Variants in LINGO2 observed in about 807,000 individuals in gnomAD.
LINGO2 encodes the protein leucine rich repeat and Ig domain containing 2, also known as leucine-rich repeat and immunoglobulin-like domain-containing nogo receptor-interacting protein 2.
Under a neutral mutation model 30.6 loss-of-function variants are expected in LINGO2, and 14 were observed. The ratio of observed to expected loss-of-function variants is 0.46; its 90% CI spans 0.30 to 0.72. The LOEUF (loss-of-function observed/expected upper bound fraction) is 0.72. LINGO2 is among the 30% of genes least tolerant of loss of function. The probability of loss-of-function intolerance (pLI) is 0.07; values close to 1 mark genes in which losing one functional copy is unlikely to be tolerated. For missense variants in LINGO2, 729 were observed against 751.7 expected (o/e 0.97, Z 0.35); for synonymous variants, 317 against 288.5 (o/e 1.10, Z -1.00).
chr9:28,025,963 C>A (rs1823355702), intron 4 of LINGO2, among the ~76,000 whole-genome samples: 1 of 152,326 alleles, frequency 6.6e-6, no homozygotes, highest in East Asian at 1.9e-4. Flanking sequence ...TTCCATTTCA[C>A]AGAGGATGAA....
chr9:28,151,161 A>G (rs1827989276), intron 4 of LINGO2, among the ~76,000 whole-genome samples: 1 of 152,206 alleles, frequency 6.6e-6, no homozygotes. Context: ...CCAACAGTAC[A>G]TTGCAATAAT....
chr9:28,756,702 C>T, the LINGO2 span, among the ~76,000 whole-genome samples: 1 of 151,866 alleles, frequency 6.6e-6, no homozygotes, highest in African/African-American at 2.4e-5. Flanking sequence ...AGTGAGTTCT[C>T]ATGGTTCTGA....
intron 4 of LINGO2, among the ~76,000 whole-genome samples, chr9:28,242,739 T>C (rs904840975): frequency 1.3e-5 from 2 of 152,132 alleles, no homozygotes; most frequent in East Asian, 3.8e-4. Context: ...CCAGGTCACC[T>C]ACAAAGGGAA....
chr9:28,956,609 T>G, the LINGO2 span, among the ~76,000 whole-genome samples: 1 of 78,264 alleles, frequency 1.3e-5, no homozygotes, highest in Non-Finnish European at 2.5e-5. Context: ...CTCCCTTCTT[T>G]CCCTCCCACC....
chr9:28,850,879 A>G, the LINGO2 span, among the ~76,000 whole-genome samples: 1 of 152,042 alleles, frequency 6.6e-6, no homozygotes, highest in African/African-American at 2.4e-5. Context: ...GCCCACTTTG[A>G]ACATGTAGCA....
At chr9:28,049,330 CAT>C (rs1554666074) in intron 4 of LINGO2, among the ~76,000 whole-genome samples, 4 of 150,982 alleles carry the variant, frequency 2.6e-5, no homozygotes, top group Non-Finnish European at 4.4e-5. Context: ...TAAGTTACAA[CAT>C]AGTACGTACA....
the LINGO2 span, among the ~76,000 whole-genome samples, chr9:28,697,792 C>A: frequency 6.6e-6 from 1 of 151,956 alleles, no homozygotes; most frequent in African/African-American, 2.4e-5. Context: ...GCTCAAAAAA[C>A]CCCAGGGCGC....
chr9:28,232,946 T>C (rs1821410895), intron 4 of LINGO2, among the ~76,000 whole-genome samples: 1 of 149,756 alleles, frequency 6.7e-6, no homozygotes, highest in Admixed American at 6.7e-5. Flanking sequence ...TCATCCAACC[T>C]GGGGATGCGT....
chr9:29,052,225 T>A, the LINGO2 span, among the ~76,000 whole-genome samples: 1 of 152,154 alleles, frequency 6.6e-6, no homozygotes, highest in Non-Finnish European at 1.5e-5. Context: ...AACCTACTAT[T>A]TATTCTTTTC....
chr9:28,601,958 G>A (rs747767211), intron 1 of LINGO2, among the ~76,000 whole-genome samples: 2 of 152,036 alleles, frequency 1.3e-5, no homozygotes, highest in Non-Finnish European at 2.9e-5. Context: ...TCAGGCTGAA[G>A]AACTTCAAAG....
At chr9:28,598,418 CA>C (rs766825127) in intron 1 of LINGO2, among the ~76,000 whole-genome samples, 14,940 of 108,844 alleles carry the variant, frequency 0.14, 998 homozygotes, top group Middle Eastern at 0.22. Flanking sequence ...TTCTCCATAT[CA>C]AAAAAAAAAA....
the LINGO2 span, among the ~76,000 whole-genome samples, chr9:29,005,046 C>G: frequency 6.5e-3 from 983 of 151,922 alleles, 12 homozygotes; most frequent in African/African-American, 0.023. Flanking sequence ...TATTTGCACA[C>G]CTATGGTAAG....
At chr9:28,778,120 T>G in the LINGO2 span, among the ~76,000 whole-genome samples, 3 of 152,294 alleles carry the variant, frequency 2.0e-5, no homozygotes, top group African/African-American at 7.2e-5. Flanking sequence ...TGACTATAAC[T>G]CCACACTTTT....
At chr9:28,755,276 C>T in the LINGO2 span, among the ~76,000 whole-genome samples, 3 of 152,044 alleles carry the variant, frequency 2.0e-5, no homozygotes, top group African/African-American at 7.3e-5. Context: ...AATGGAATTA[C>T]ACAAGCAACA....
intron 4 of LINGO2, among the ~76,000 whole-genome samples, chr9:28,060,854 C>T (rs1448703478): frequency 6.6e-6 from 1 of 152,102 alleles, no homozygotes; most frequent in East Asian, 1.9e-4. Flanking sequence ...TGATCTTAAA[C>T]TTGTCTTCTT....
chr9:28,442,731 C>T (rs1182329495), intron 2 of LINGO2, among the ~76,000 whole-genome samples: 1 of 152,124 alleles, frequency 6.6e-6, no homozygotes, highest in Non-Finnish European at 1.5e-5. Context: ...TTTACATCTT[C>T]TCTTACAGTG....
downstream of LINGO2, chr9:27,944,586 C>T (rs1587495655): frequency 6.6e-6 from 1 of 152,190 alleles, no homozygotes; most frequent in African/African-American, 2.4e-5. Flanking sequence ...GAATAATTCC[C>T]AAACTCCTCA....
chr9:29,056,233 T>A, the LINGO2 span, among the ~76,000 whole-genome samples: 1 of 152,148 alleles, frequency 6.6e-6, no homozygotes. Context: ...GTAAAAGTGT[T>A]CCCTTTTCCC....
chr9:29,162,532 C>T, the LINGO2 span, among the ~76,000 whole-genome samples: 3 of 151,788 alleles, frequency 2.0e-5, no homozygotes, highest in Non-Finnish European at 4.4e-5. Flanking sequence ...AATGAATAGT[C>T]ATGAAAGGCA....
Sources: allele counts gnomAD v4.1 joint callset (sites outside exome capture counted in the v4.1 genomes callset), GRCh38; gene constraint gnomAD v4.1.1; transcripts MANE v1.5; gene names NCBI Gene and HGNC (gene_info 2026-07-23, HGNC 2026-07-21).